Variants in PLEK2 observed in about 807,000 individuals in gnomAD.
PLEK2 encodes pleckstrin-2.
Under a neutral mutation model 43.8 loss-of-function variants are expected in PLEK2, and 29 were observed. The ratio of observed to expected loss-of-function variants is 0.66; its 90% confidence interval spans 0.49 to 0.90. PLEK2 has a LOEUF of 0.90. Ranked by LOEUF, PLEK2 falls within the 40% of genes least tolerant of loss-of-function variation. The probability of loss-of-function intolerance (pLI) is 0.00; values close to 1 mark genes in which losing one functional copy is unlikely to be tolerated. For synonymous variants in PLEK2, 162 were observed against 173.2 expected (o/e 0.94, Z 0.51); for missense variants, 398 against 448.1 (o/e 0.89, Z 1.01).
chr14:67,394,889 C>T (rs2085995181), intron 3 of PLEK2, among the ~76,000 whole-genome samples: 2 of 152,144 alleles, frequency 1.3e-5, no homozygotes, highest in African/African-American at 4.8e-5. Flanking sequence ...AGCATGTTAG[C>T]ATGCTCAGCC....
intron 1 of PLEK2, among the ~76,000 whole-genome samples, chr14:67,410,966 C>T (rs923775778): frequency 5.9e-5 from 9 of 151,824 alleles, no homozygotes; most frequent in East Asian, 1.9e-4. Context: ...GGAAACATGG[C>T]GAAACCCTGT....
intron 1 of PLEK2, among the ~76,000 whole-genome samples, chr14:67,406,627 G>A (rs1409731105): frequency 6.6e-6 from 1 of 152,146 alleles, no homozygotes; most frequent in Non-Finnish European, 1.5e-5. Flanking sequence ...GCAAGCTTAC[G>A]TTCTCATGTT....
rs7153350 is a variant in PLEK2, at chr14:67,399,758, A to G, written c.43-1932T>C. Among the ~76,000 whole-genome samples, 15 of 141,552 alleles carry G rather than the reference A, an allele frequency of 1.1e-4. 1 individual carries two copies. The highest frequency in any genetic ancestry group is 4.3e-4 in the African/African-American group (15 of 35,158). The allele number at this position is 141,552 out of a possible 152,430, so 92.9% of individuals were successfully genotyped here. A position where few individuals can be genotyped will look rare whatever the true frequency, so the allele number is the denominator to read the frequency against. ...AGGTGGCAGGAATAAAGAGAAGGGT[A>G]GTTTAGGTGGCTCTCAAGTGGGTGG... On this transcript the variant is annotated intron_variant, in intron 1 of 8. Coordinates refer to ENST00000216446, the MANE Select transcript of PLEK2 (RefSeq NM_016445.3).
At chr14:67,390,966 TAAGTC>T (rs370412599) in intron 6 of PLEK2, among the ~76,000 whole-genome samples, 22 of 152,064 alleles carry the variant, frequency 1.4e-4, no homozygotes, top group East Asian at 1.4e-3. Context: ...GCCATCACCT[TAAGTC>T]AAGTCAGCAG....
chr14:67,396,168 G>A (rs1417526243), intron 2 of PLEK2, among the ~76,000 whole-genome samples: 1 of 151,122 alleles, frequency 6.6e-6, no homozygotes. Flanking sequence ...TTTTTCTTGA[G>A]ACGGAGTCTT....
chr14:67,392,961 A>G (rs1317735235), intron 4 of PLEK2, 112 bp from the exon 5 acceptor site: 2 of 950,044 alleles, frequency 2.1e-6, no homozygotes, highest in Non-Finnish European at 1.6e-6. Context: ...GGCTCTACGC[A>G]AGAGCAGACT....
intron 7 of PLEK2, among the ~76,000 whole-genome samples, chr14:67,389,256 C>A (rs2085949949): frequency 1.3e-5 from 2 of 151,884 alleles, no homozygotes; most frequent in African/African-American, 4.8e-5. Flanking sequence ...CTACTAAATG[C>A]CAACGGGAGG....
chr14:67,397,944 G>T, intron 1 of PLEK2, 118 bp from the exon 2 acceptor site: 1 of 743,404 alleles, frequency 1.3e-6, no homozygotes, highest in Non-Finnish European at 2.1e-6. Context: ...AGTCTCCAAG[G>T]AAGACAGCAG....
rs2086000614 is a variant in PLEK2, at chr14:67,395,478, C to T, written c.313G>A (p.Ala105Thr). 1.2e-6 allele frequency: 2 copies of T among 1,614,098 alleles called. No homozygotes were observed. The highest frequency in any genetic ancestry group is 2.2e-5 in the East Asian group (1 of 44,874). The stretch of plus-strand genomic sequence containing the variant: ...TGCTGGACCTTCCCCGGCTGCCCTG[C>T]ATGAATAGCCCCGGTGATCTCAAAG... ...WAFEITGAIH[A>T]GQPGKVQQLH... The change falls in exon 3 of 9, where the codon GCA becomes ACA. Residue 105 changes from alanine to threonine, a missense_variant. Ala to Thr is a moderately conservative substitution (Grantham distance 58, BLOSUM62 0). Transcript: ENST00000216446.
intron 1 of PLEK2, 65 bp downstream of exon 1, chr14:67,411,953 G>T: frequency 7.0e-7 from 1 of 1,421,988 alleles, no homozygotes. Context: ...GTCTGGCCCC[G>T]CTCTAGGGAG....
At position 67,397,751 on chromosome 14, in the gene PLEK2, C is replaced by G. The variant is rs746944591; in HGVS notation, c.118G>C (p.Gly40Arg). 30 of 1,613,336 alleles carry G rather than the reference C, an allele frequency of 1.9e-5. No homozygotes were observed. Among genetic ancestry groups the G allele is most frequent in the Non-Finnish European group, 2.5e-5 (29 of 1,179,660 alleles). ...QNTLVYYKLE[G>R]GRRVTPPKGR... is the part of the protein sequence containing the mutation. Reference sequence around the variant, plus strand: ...TTGGGAGGGGTCACTCTCCGACCCCCCTCAAGCTTGTAGTACACCAGCGTG... The same window carrying G: ...TTGGGAGGGGTCACTCTCCGACCCCGCTCAAGCTTGTAGTACACCAGCGTG... The change falls in exon 2 of 9, where the codon GGG becomes CGG. Residue 40 changes from glycine (G) to arginine (R), a missense_variant. Gly to Arg is a moderately radical substitution (Grantham distance 125, BLOSUM62 -2). Transcript: ENST00000216446.
intron 3 of PLEK2, 52 bp from the exon 4 acceptor site, chr14:67,393,293 A>G (rs1237615369): frequency 8.7e-6 from 11 of 1,269,340 alleles, no homozygotes; most frequent in African/African-American, 2.9e-5. Context: ...GCGGGCAGGT[A>G]TAAGGGAGGG....
Position 67,393,158 on chromosome 14 carries a change from G to T in PLEK2, c.473C>A (p.Thr158Asn). ...CTGGGGGACAGGCTCACCGAGGAAG[G>T]TCTTTTTATAGGTGCTTCCCTGCTC... ...NMEQGSTYKKTFLGSSLVDWL... is the reference protein window; with the variant it reads ...NMEQGSTYKKNFLGSSLVDWL... The change falls in exon 4 of 9, where the codon ACC becomes AAC. Residue 158 changes from threonine (T) to asparagine (N), a missense_variant. Thr to Asn is a moderately conservative substitution (Grantham distance 65). Coordinates refer to ENST00000216446, the MANE Select transcript of PLEK2 (RefSeq NM_016445.3). 1 of 1,611,280 alleles carries T rather than the reference G, an allele frequency of 6.2e-7. No individual in the cohort carries two copies. The highest frequency in any genetic ancestry group is 8.5e-7 in the Non-Finnish European group (1 of 1,177,296).
At chr14:67,402,528 C>A (rs2086055515) in intron 1 of PLEK2, among the ~76,000 whole-genome samples, 1 of 152,142 alleles carries the variant, frequency 6.6e-6, no homozygotes, top group Non-Finnish European at 1.5e-5. Context: ...CTCATTCTTT[C>A]TAATTAATTT....
intron 4 of PLEK2, 62 bp downstream of exon 4, chr14:67,393,088 T>C: frequency 7.9e-7 from 1 of 1,272,724 alleles, no homozygotes; most frequent in South Asian, 1.2e-5. Context: ...AGCACACAGC[T>C]GAGCCCTGCA....
rs1400730240 is a variant in PLEK2, at chr14:67,412,034, C to A, written c.26G>T (p.Gly9Val). 7 of 1,558,418 alleles carry A rather than the reference C, an allele frequency of 4.5e-6. No homozygotes were observed. Among genetic ancestry groups the A allele is most frequent in the Non-Finnish European group, 6.1e-6 (7 of 1,155,076 alleles). The change falls in exon 1 of 9, where the codon GGC (glycine) becomes GTC (valine). Residue 9 changes from glycine to valine, a missense_variant. By Grantham distance (109) the Gly-to-Val change is moderately radical. Coordinates refer to ENST00000216446, the MANE Select transcript of PLEK2 (RefSeq NM_016445.3). ...CGCACTCACCCTCTTGACCAGGAAG[C>A]CCTCCTTGAGCACGCCGTCCTCCAT... MEDGVLKE[G>V]FLVKRGHIVH... is the part of the protein sequence containing the mutation.
chr14:67,407,796 C>T (rs1229348447), intron 1 of PLEK2, among the ~76,000 whole-genome samples: 1 of 152,062 alleles, frequency 6.6e-6, no homozygotes, highest in East Asian at 1.9e-4. Flanking sequence ...TTGCCCAAGG[C>T]TCTATAACCC....
chr14:67,412,165 CA>C, upstream of PLEK2: 1 of 954,014 alleles, frequency 1.0e-6, no homozygotes, highest in Non-Finnish European at 1.4e-6. Context: ...GCCCAGGAAG[CA>C]GCTCCGACGC....
intron 7 of PLEK2, among the ~76,000 whole-genome samples, chr14:67,389,232 T>C (rs2085949659): frequency 6.6e-6 from 1 of 151,996 alleles, no homozygotes; most frequent in Admixed American, 6.6e-5. Flanking sequence ...AATAAAATAC[T>C]GGAAATATTT....
Sources: gnomAD v4.1 joint callset for allele counts (sites outside exome capture counted in the v4.1 genomes callset) on GRCh38, gnomAD v4.1.1 for gene constraint, MANE v1.5 for transcripts, NCBI Gene and HGNC (gene_info 2026-07-23, HGNC 2026-07-21) for gene names.